Variants in FAM13A observed in about 807,000 individuals in gnomAD.
FAM13A encodes protein FAM13A.
A neutral mutation model predicts 129.6 loss-of-function variants in FAM13A; 76 were observed. That is an observed-to-expected ratio of 0.59 (90% confidence interval 0.49 to 0.71). The LOEUF (loss-of-function observed/expected upper bound fraction) is 0.71, where lower values mean the gene tolerates loss of function less well. Among genes scored for constraint, FAM13A ranks in the 30% least tolerant of loss-of-function variants. The pLI is 0.00. For synonymous variants in FAM13A, 443 were observed against 449.9 expected (o/e 0.98, Z 0.20); for missense variants, 1,108 against 1,249.3 (o/e 0.89, Z 1.70).
chr4:88,733,508 T>A (rs955081395), intron 21 of FAM13A, among the ~76,000 whole-genome samples: 1 of 152,212 alleles, frequency 6.6e-6, no homozygotes, highest in East Asian at 1.9e-4. Context: ...CCCATCGACG[T>A]AGTTTTGATA....
At chr4:88,937,160 T>A (rs1376106845) in intron 5 of FAM13A, 1 of 152,226 alleles carries the variant, frequency 6.6e-6, no homozygotes, top group Admixed American at 6.5e-5. Flanking sequence ...TAGTTTTAGA[T>A]CCTTTTGTAG....
At chr4:88,740,408 A>T (rs1739986285) in intron 19 of FAM13A, among the ~76,000 whole-genome samples, 2 of 152,240 alleles carry the variant, frequency 1.3e-5, no homozygotes, top group African/African-American at 2.4e-5. Flanking sequence ...TCAGTGCCTG[A>T]CATCATGGAA....
chr4:88,866,801 A>G (rs1330498643), intron 6 of FAM13A, among the ~76,000 whole-genome samples: 6 of 152,180 alleles, frequency 3.9e-5, no homozygotes, highest in Non-Finnish European at 2.9e-5. Flanking sequence ...TTTTAGAGAG[A>G]AATATGGCGA....
At chr4:88,954,934 T>C (rs923733024) in intron 4 of FAM13A, among the ~76,000 whole-genome samples, 7 of 150,802 alleles carry the variant, frequency 4.6e-5, no homozygotes, top group Non-Finnish European at 1.0e-4. Flanking sequence ...AGAAAAGTAG[T>C]TGTTGCTTGT....
intron 6 of FAM13A, among the ~76,000 whole-genome samples, chr4:88,876,129 C>T (rs1434582768): frequency 6.6e-6 from 1 of 152,022 alleles, no homozygotes; most frequent in Non-Finnish European, 1.5e-5. Flanking sequence ...CATCCCACAC[C>T]AGGGCCTGTC....
intron 7 of FAM13A, among the ~76,000 whole-genome samples, chr4:88,839,835 G>T (rs990493124): frequency 2.6e-5 from 4 of 152,216 alleles, no homozygotes; most frequent in African/African-American, 9.7e-5. Flanking sequence ...GTCCTGGGGG[G>T]TGGAGGATGG....
rs1477901690 is a variant in FAM13A at position 88,870,428 on chromosome 4, C to A, written c.844-19245G>T. Among the ~76,000 whole-genome samples, 4 of 152,204 alleles carry A rather than the reference C, an allele frequency of 2.6e-5. No homozygotes were observed. In the East Asian group the frequency reaches 7.7e-4, roughly 29 times the overall value. On this transcript the variant is annotated intron_variant, in intron 6 of 23. Transcript: ENST00000264344. ...ACCTGGAAAATTGGGTCACTCCTGC[C>A]CTAATACTGCAATTTTCCAACAGTC...
intron 1 of FAM13A, among the ~76,000 whole-genome samples, chr4:89,043,532 T>C (rs1250311142): frequency 6.6e-6 from 1 of 152,158 alleles, no homozygotes; most frequent in Non-Finnish European, 1.5e-5. Flanking sequence ...CAAAAATTCA[T>C]CTTACTCAGG....
At chr4:88,945,664 A>C (rs529413885) in intron 4 of FAM13A, among the ~76,000 whole-genome samples, 1 of 151,410 alleles carries the variant, frequency 6.6e-6, no homozygotes, top group South Asian at 2.1e-4. Flanking sequence ...CTGTTTGTTC[A>C]AATTGTACTA....
At chr4:88,865,576 T>C (rs1579019625) in intron 6 of FAM13A, among the ~76,000 whole-genome samples, 1 of 152,220 alleles carries the variant, frequency 6.6e-6, no homozygotes, top group African/African-American at 2.4e-5. Flanking sequence ...AAAACTCAGA[T>C]GTTTACATCA....
At chr4:89,026,638 A>C (rs1049844751) in intron 2 of FAM13A, among the ~76,000 whole-genome samples, 3 of 152,206 alleles carry the variant, frequency 2.0e-5, no homozygotes, top group Non-Finnish European at 4.4e-5. Context: ...CTGAGCGAAC[A>C]GGGAAGAGCC....
rs1472491391 is a variant in FAM13A, at chr4:88,808,476, T to C, written c.1008-3424A>G. On this transcript the variant is annotated intron_variant, in intron 7 of 23. Coordinates refer to ENST00000264344, the MANE Select transcript of FAM13A (RefSeq NM_014883.4). ...TTTCTGTTTTCGTGTCAATCTGTCA[T>C]GTTCAATGATACTAAAGGATTTTGC... is the stretch of plus-strand genomic sequence containing the variant. 2.0e-5 allele frequency among the ~76,000 whole-genome samples: 3 copies of C among 152,166 alleles called. No individual in the cohort carries two copies. The East Asian group carries it at 5.8e-4, about 29-fold the overall frequency.
At position 88,934,049 on chromosome 4, in the gene FAM13A, C is replaced by T. The variant is rs191157848; in HGVS notation, c.759+4039G>A. 1.2e-4 allele frequency among the ~76,000 whole-genome samples: 19 copies of T among 152,202 alleles called. No homozygotes were observed. In the East Asian group the frequency reaches 3.5e-3, roughly 28 times the overall value. The stretch of plus-strand genomic sequence containing the variant: ...ACCAGGTATATTCACATCTCAAGAC[C>T]TTTGTACTGCTCTTCTCCTTGCCTG... On this transcript the variant is annotated intron_variant, in intron 5 of 23. Transcript: ENST00000264344.
At chr4:89,014,791 G>A (rs1030130212) in intron 3 of FAM13A, among the ~76,000 whole-genome samples, 3 of 152,056 alleles carry the variant, frequency 2.0e-5, no homozygotes, top group Admixed American at 6.6e-5. Context: ...AGGACCCTGC[G>A]ATGACTGCGT....
chr4:88,892,304 C>T (rs529406139), intron 6 of FAM13A, among the ~76,000 whole-genome samples: 82 of 151,640 alleles, frequency 5.4e-4, no homozygotes, highest in African/African-American at 1.9e-3. Flanking sequence ...CTCAGCCTCC[C>T]GAGTAGCTGG....
chr4:88,885,855 G>A (rs1486730612), intron 6 of FAM13A, among the ~76,000 whole-genome samples: 2 of 150,790 alleles, frequency 1.3e-5, no homozygotes, highest in African/African-American at 4.9e-5. Context: ...TGGGCTAAAG[G>A]CATGAATAGA....
At chr4:89,009,929 G>A (rs563900213) in intron 3 of FAM13A, among the ~76,000 whole-genome samples, 40 of 152,268 alleles carry the variant, frequency 2.6e-4, no homozygotes, top group East Asian at 9.7e-4. Context: ...CAGTTAAGAC[G>A]GCCCTTTTGA....
At chr4:88,926,595 A>G (rs1181377023) in intron 5 of FAM13A, among the ~76,000 whole-genome samples, 1 of 152,218 alleles carries the variant, frequency 6.6e-6, no homozygotes, top group African/African-American at 2.4e-5. Context: ...AATGTGTTAC[A>G]TCTAATGATT....
intron 6 of FAM13A, among the ~76,000 whole-genome samples, chr4:88,866,813 A>G (rs927833303): frequency 6.6e-6 from 1 of 152,204 alleles, no homozygotes; most frequent in Non-Finnish European, 1.5e-5. Context: ...ATATGGCGAC[A>G]TACACTCTTC....
Sources: gnomAD v4.1 joint callset for allele counts (sites outside exome capture counted in the v4.1 genomes callset) on GRCh38, gnomAD v4.1.1 for gene constraint, MANE v1.5 for transcripts, NCBI Gene and HGNC (gene_info 2026-07-23, HGNC 2026-07-21) for gene names.